The following BCL2L14 variants were observed in gnomAD, a reference collection of about 807,000 sequenced individuals.
BCL2L14 encodes apoptosis facilitator Bcl-2-like protein 14.
In BCL2L14, 27 loss-of-function variants were observed where a neutral mutation model predicts 35.3. That is an observed-to-expected ratio of 0.76 (90% CI 0.56 to 1.05). BCL2L14 has a LOEUF of 1.05. Ranked by LOEUF, BCL2L14 falls within the 50% of genes least tolerant of loss-of-function variation. The pLI, the probability that BCL2L14 is intolerant of heterozygous loss-of-function variation, is 0.00. For missense variants in BCL2L14, 377 were observed against 382.6 expected (o/e 0.99, Z 0.12); for synonymous variants, 139 against 145.9 (o/e 0.95, Z 0.34).
At chr12:12,085,712 C>A (rs977579023) in intron 2 of BCL2L14, among the ~76,000 whole-genome samples, 2 of 152,094 alleles carry the variant, frequency 1.3e-5, no homozygotes, top group African/African-American at 4.8e-5. Flanking sequence ...GACACTGAAG[C>A]CTTCAGCTTG....
chr12:12,059,149 A>G (rs4763761), intron 2 of BCL2L14, among the ~76,000 whole-genome samples: 26,830 of 152,136 alleles, frequency 0.18, 2,603 homozygotes, highest in East Asian at 0.38. Context: ...AATCATTGCA[A>G]GGACACCTCT....
In BCL2L14 at chr12:12,079,474, G is replaced by A. The variant is rs759121419; in HGVS notation, c.169G>A (p.Gly57Ser). 9 of 1,614,092 alleles carry A rather than the reference G, an allele frequency of 5.6e-6. No individual in the cohort carries two copies. The highest frequency in any genetic ancestry group is 2.7e-5 in the African/African-American group (2 of 74,924). ...LLRTRSLSQR[G>S]LGNCSANESW... is the part of the protein sequence containing the mutation. The stretch of plus-strand genomic sequence containing the variant: ...GAGAACAAGAAGTTTGTCCCAGAGG[G>A]GCCTGGGGAATTGTTCAGCAAATGA... Residue 57 changes from glycine to serine, a missense_variant, in exon 2 of 6, where the codon GGC (glycine) becomes AGC (serine). Coordinates refer to ENST00000308721, the MANE Select transcript of BCL2L14 (RefSeq NM_138723.2).
chr12:12,089,658 A>G (rs1949133331), intron 3 of BCL2L14, among the ~76,000 whole-genome samples: 1 of 152,186 alleles, frequency 6.6e-6, no homozygotes, highest in Admixed American at 6.5e-5. Flanking sequence ...AGATCGTGCC[A>G]CTGCACTCCA....
intron 3 of BCL2L14, 132 bp from the exon 4 acceptor site, chr12:12,090,639 TAAAAAATA>T: frequency 5.5e-6 from 3 of 544,314 alleles, no homozygotes; most frequent in East Asian, 3.3e-5. Flanking sequence ...GTCTAAAAAA[TAAAAAATA>T]AAAAAAAAAA....
chr12:12,085,968 C>A (rs1265976139), intron 2 of BCL2L14, among the ~76,000 whole-genome samples: 1 of 152,108 alleles, frequency 6.6e-6, no homozygotes, highest in Non-Finnish European at 1.5e-5. Flanking sequence ...CATGGTAAAA[C>A]CCAGCTGCTC....
intron 4 of BCL2L14, among the ~76,000 whole-genome samples, chr12:12,093,211 GT>G (rs1259369247): frequency 6.6e-6 from 1 of 152,168 alleles, no homozygotes; most frequent in Non-Finnish European, 1.5e-5. Flanking sequence ...ATGAATTGGA[GT>G]TTTTTTAAGT....
chr12:12,053,669 C>T (rs1295421290), intron 2 of BCL2L14, among the ~76,000 whole-genome samples: 1 of 152,222 alleles, frequency 6.6e-6, no homozygotes. Flanking sequence ...CCCGCCTTGG[C>T]CTCCCAAAGT....
chr12:12,092,857 C>T (rs1949222720), intron 4 of BCL2L14, among the ~76,000 whole-genome samples: 1 of 152,122 alleles, frequency 6.6e-6, no homozygotes, highest in African/African-American at 2.4e-5. Context: ...TGACTCATCC[C>T]CCAGATATCC....
chr12:12,077,350 T>C (rs2136742882), intron 1 of BCL2L14, among the ~76,000 whole-genome samples: 1 of 152,144 alleles, frequency 6.6e-6, no homozygotes, highest in South Asian at 2.1e-4. Flanking sequence ...CGCACCAGAC[T>C]GGGCAACATA....
intron 2 of BCL2L14, among the ~76,000 whole-genome samples, chr12:12,061,261 C>G (rs539247839): frequency 1.3e-5 from 2 of 151,770 alleles, no homozygotes; most frequent in Non-Finnish European, 2.9e-5. Context: ...CCCCTTGTAT[C>G]TCCCCACCTT....
chr12:12,076,151 A>T (rs1391145279), intron 1 of BCL2L14, among the ~76,000 whole-genome samples: 2 of 126,322 alleles, frequency 1.6e-5, no homozygotes, highest in African/African-American at 6.1e-5. Context: ...GATGCCCGGA[A>T]AATGCATGGG....
intron 2 of BCL2L14, among the ~76,000 whole-genome samples, chr12:12,054,178 C>A (rs1041538890): frequency 6.6e-6 from 1 of 151,892 alleles, no homozygotes; most frequent in African/African-American, 2.4e-5. Context: ...GATAGGAAAC[C>A]AAGTCTAGTG....
intron 5 of BCL2L14, chr12:12,095,641 C>T (rs1249102962): frequency 1.0e-6 from 1 of 985,278 alleles, no homozygotes; most frequent in Non-Finnish European, 1.2e-6. Flanking sequence ...CCTAGGCGGA[C>T]AGACCTTCAT....
At chr12:12,098,405 C>T (rs1213553146) in intron 5 of BCL2L14, among the ~76,000 whole-genome samples, 1 of 152,208 alleles carries the variant, frequency 6.6e-6, no homozygotes, top group Non-Finnish European at 1.5e-5. Flanking sequence ...CCTTTAATCT[C>T]CCATAGCTCC....
intron 4 of BCL2L14, among the ~76,000 whole-genome samples, chr12:12,094,115 A>AAAG (rs1949258848): frequency 6.6e-6 from 1 of 151,342 alleles, no homozygotes. Context: ...CTTAAAAAAA[A>AAAG]AAAAAAGAAA....
At chr12:12,081,002 G>A (rs1948910015) in intron 2 of BCL2L14, among the ~76,000 whole-genome samples, 1 of 152,022 alleles carries the variant, frequency 6.6e-6, no homozygotes, top group Admixed American at 6.6e-5. Flanking sequence ...TTAGCAACAT[G>A]GCAAAACCCT....
At chr12:12,053,968 T>C (rs1434894421) in intron 2 of BCL2L14, among the ~76,000 whole-genome samples, 4 of 152,162 alleles carry the variant, frequency 2.6e-5, no homozygotes, top group Non-Finnish European at 5.9e-5. Context: ...TTCACCCTAC[T>C]ATAATTTTGA....
chr12:12,060,899 A>G (rs185652269), intron 2 of BCL2L14, among the ~76,000 whole-genome samples: 45,550 of 52,524 alleles, frequency 0.87, 20,999 homozygotes, highest in East Asian at 0.99. Context: ...AGACCATCAC[A>G]GATGCCGAGC....
At chr12:12,096,798 A>G (rs938352537) in intron 5 of BCL2L14, among the ~76,000 whole-genome samples, 1 of 152,240 alleles carries the variant, frequency 6.6e-6, no homozygotes, top group Non-Finnish European at 1.5e-5. Flanking sequence ...AAAATGGTGC[A>G]GTCCCTTTGG....
Sources: gnomAD v4.1 joint callset for allele counts (sites outside exome capture counted in the v4.1 genomes callset) on GRCh38, gnomAD v4.1.1 for gene constraint, MANE v1.5 for transcripts, NCBI Gene and HGNC (gene_info 2026-07-23, HGNC 2026-07-21) for gene names.